RBFOX1: variants seen among roughly 807,000 people sequenced by gnomAD.
RBFOX1 encodes the protein RNA binding protein fox-1 homolog 1.
RBFOX1 carries 8 observed loss-of-function variants against 57.7 expected under a neutral mutation model. That is an observed-to-expected ratio of 0.14 (90% CI 0.08 to 0.25). The LOEUF (loss-of-function observed/expected upper bound fraction) is 0.25. RBFOX1 is among the 10% of genes least tolerant of loss of function. RBFOX1 has a pLI of 1.00. For synonymous variants in RBFOX1, 326 were observed against 222.4 expected, an observed-to-expected ratio of 1.47 and a Z score of -4.15; for missense variants, 611 against 548.5, an observed-to-expected ratio of 1.11 and a Z score of -1.14.
Position 6,720,729 on chromosome 16 carries a change from T to C in RBFOX1, c.-16+66079T>C, listed in dbSNP as rs141937821. Among the ~76,000 whole-genome samples, 36 of 152,270 alleles carry C rather than the reference T, an allele frequency of 2.4e-4. 1 individual carries two copies. The highest frequency in any genetic ancestry group is 8.4e-4 in the African/African-American group (35 of 41,550). On this transcript the variant is annotated intron_variant, in intron 3 of 15. Transcript: ENST00000550418. ...GGTCAGCTGGGACACACATGAATGA[T>C]TGGAAACATGAGCTTCATTTCTGAG...
chr16:5,244,479 G>T (rs562784012), intron 1 of RBFOX1, among the ~76,000 whole-genome samples: 26 of 152,330 alleles, frequency 1.7e-4, no homozygotes, highest in Non-Finnish European at 3.2e-4. Flanking sequence ...CCATACTGGG[G>T]ACTTGCAGAG....
At chr16:6,844,608 C>G (rs1603631507) in intron 3 of RBFOX1, among the ~76,000 whole-genome samples, 1 of 151,798 alleles carries the variant, frequency 6.6e-6, no homozygotes, top group Non-Finnish European at 1.5e-5. Flanking sequence ...TAGGTTGAGT[C>G]CTTGTCTTTG....
Position 5,861,518 on chromosome 16 carries a change from C to A in RBFOX1, c.319-5785C>A, listed in dbSNP as rs141850665. ...AGAGATCTGTTATTCAATTTGCTCT[C>A]CCACCTGGGACTCCTACATGAGAAA... On this transcript the variant is annotated intron_variant, in intron 3 of 19. Transcript: ENST00000641259. 3.2e-3 allele frequency among the ~76,000 whole-genome samples: 480 copies of A among 152,320 alleles called. 5 individuals carry two copies. The highest frequency in any genetic ancestry group is 0.011 in the African/African-American group (457 of 41,578).
At chr16:6,445,245 A>T (rs140266638) in intron 2 of RBFOX1, among the ~76,000 whole-genome samples, 5 of 151,930 alleles carry the variant, frequency 3.3e-5, no homozygotes, top group African/African-American at 1.2e-4. Flanking sequence ...TATATATATA[A>T]TTTTTTATTA....
intron 1 of RBFOX1, among the ~76,000 whole-genome samples, chr16:6,159,289 T>G (rs1485252205): frequency 6.6e-6 from 1 of 151,934 alleles, no homozygotes; most frequent in Non-Finnish European, 1.5e-5. Context: ...GTTGGCCAAG[T>G]TGGTCTTGAA....
At chr16:5,589,372 C>G (rs563009034) in intron 2 of RBFOX1, among the ~76,000 whole-genome samples, 1 of 152,172 alleles carries the variant, frequency 6.6e-6, no homozygotes, top group Non-Finnish European at 1.5e-5. Context: ...GTTGGCCAAC[C>G]TGGGGCAAGT....
chr16:6,640,009 C>A (rs576722924), intron 2 of RBFOX1, among the ~76,000 whole-genome samples: 54 of 152,126 alleles, frequency 3.5e-4, no homozygotes, highest in Non-Finnish European at 5.9e-4. Flanking sequence ...TATGATGATA[C>A]CAGAGCTTTT....
At chr16:6,057,964 G>C (rs2095635631) in intron 1 of RBFOX1, among the ~76,000 whole-genome samples, 1 of 150,658 alleles carries the variant, frequency 6.6e-6, no homozygotes, top group African/African-American at 2.4e-5. Flanking sequence ...GAAATCTTCA[G>C]AGAGAAAGCA....
intron 1 of RBFOX1, among the ~76,000 whole-genome samples, chr16:5,457,928 G>A (rs756873055): frequency 1.1e-4 from 16 of 152,068 alleles, no homozygotes; most frequent in Non-Finnish European, 1.9e-4. Flanking sequence ...AGCCATGACT[G>A]CCATTTCTTG....
intron 2 of RBFOX1, among the ~76,000 whole-genome samples, chr16:5,483,372 C>T (rs1344556251): frequency 6.6e-6 from 1 of 152,236 alleles, no homozygotes; most frequent in African/African-American, 2.4e-5. Context: ...TGCTCTTTCC[C>T]ACGCTTGCCC....
At chr16:5,680,332 T>A (rs544878642) in intron 3 of RBFOX1, among the ~76,000 whole-genome samples, 41 of 152,334 alleles carry the variant, frequency 2.7e-4, no homozygotes, top group African/African-American at 9.4e-4. Flanking sequence ...ATCTTCACTT[T>A]GCGGCCAAGT....
intron 4 of RBFOX1, among the ~76,000 whole-genome samples, chr16:5,987,802 A>G (rs568639647): frequency 4.6e-5 from 7 of 152,326 alleles, no homozygotes; most frequent in African/African-American, 1.7e-4. Flanking sequence ...AGCACCATTT[A>G]CTGAAAACTA....
chr16:6,383,695 G>A lies in RBFOX1; in HGVS notation c.-64+66638G>A, dbSNP rs760972998. Among the ~76,000 whole-genome samples, 5 of 151,942 alleles carry A rather than the reference G, an allele frequency of 3.3e-5. 1 individual carries two copies. The highest frequency in any genetic ancestry group is 7.4e-5 in the Non-Finnish European group (5 of 67,998). On this transcript the variant is annotated intron_variant, in intron 2 of 15. Transcript: ENST00000550418. ...TGAGGCAGGAGAATTGCATGAACCC[G>A]GGAGACAGAGGTTGCAGTGAGCCAA...
rs548894187 is a variant in RBFOX1 at position 6,949,585 on chromosome 16, T to TG, written c.-15-102472_-15-102471insG. On this transcript the variant is annotated intron_variant, in intron 3 of 15. Coordinates refer to ENST00000550418, the MANE Select transcript of RBFOX1 (RefSeq NM_018723.4). Reference sequence around the variant, plus strand: ...GGGTGTGTCCTCACTTGGCCTTTTTTTTTGTGCCTACGTGCATCTTGGATA... The same window carrying TG: ...GGGTGTGTCCTCACTTGGCCTTTTTTGTTTGTGCCTACGTGCATCTTGGATA... Among the ~76,000 whole-genome samples, 3 of 152,296 alleles carry TG rather than the reference T, an allele frequency of 2.0e-5. No individual in the cohort carries two copies. In the South Asian group the frequency reaches 6.2e-4, roughly 32 times the overall value.
chr16:7,221,593 C>T (rs1016243199), intron 4 of RBFOX1, among the ~76,000 whole-genome samples: 2 of 152,182 alleles, frequency 1.3e-5, no homozygotes, highest in Admixed American at 6.5e-5. Context: ...TCTTGAACTC[C>T]TGACCTCAGG....
At chr16:5,803,365 A>C (rs2055120565) in intron 3 of RBFOX1, among the ~76,000 whole-genome samples, 1 of 152,180 alleles carries the variant, frequency 6.6e-6, no homozygotes, top group Non-Finnish European at 1.5e-5. Context: ...GTAGAGAGAT[A>C]ACAGGTGCTT....
chr16:5,764,888 G>T (rs1338053038), intron 3 of RBFOX1, among the ~76,000 whole-genome samples: 1 of 152,110 alleles, frequency 6.6e-6, no homozygotes, highest in African/African-American at 2.4e-5. Flanking sequence ...CAGTTCCTGT[G>T]ATCATCCTAT....
rs1307270892 is a variant in RBFOX1 at position 6,019,049 on chromosome 16, G to C, written c.-1070G>C. ...AGATTATTTTTGGCTCCGCAGCCGG[G>C]GCTGCTCGCTGCTTGTCGCGCGCTC... is the stretch of plus-strand genomic sequence containing the variant. On this transcript the variant is annotated 5_prime_UTR_variant, in exon 1 of 16. Transcript: ENST00000550418. This position sits in a 1 kb window ranked among gnomAD's most constrained non-coding sequence, Gnocchi z 4.2. 1 of 965,494 alleles carries C rather than the reference G, an allele frequency of 1.0e-6. No homozygotes were observed. The highest frequency in any genetic ancestry group is 1.2e-6 in the Non-Finnish European group (1 of 812,690). The allele number at this position is 965,494 out of a possible 1,614,324, so 59.8% of individuals were successfully genotyped here. A position where few individuals can be genotyped will look rare whatever the true frequency, so the allele number is the denominator to read the frequency against.
intron 2 of RBFOX1, among the ~76,000 whole-genome samples, chr16:6,650,814 A>G (rs2098583702): frequency 6.6e-6 from 1 of 152,194 alleles, no homozygotes; most frequent in Non-Finnish European, 1.5e-5. Flanking sequence ...ATCCGCAGAG[A>G]AAACCCCACT....
Sources: allele counts gnomAD v4.1 joint callset (sites outside exome capture counted in the v4.1 genomes callset), GRCh38; gene constraint gnomAD v4.1.1; non-coding constraint Gnocchi (gnomAD v3.1); transcripts MANE v1.5; gene names NCBI Gene and HGNC (gene_info 2026-07-23, HGNC 2026-07-21).